SMG5: variants seen among roughly 807,000 people sequenced by gnomAD.
The protein encoded by SMG5 is SMG5 nonsense mediated mRNA decay factor, also known as nonsense-mediated mRNA decay factor SMG5.
SMG5 carries 53 observed loss-of-function variants against 122.9 expected under a neutral mutation model. That is an observed-to-expected ratio of 0.43 (90% confidence interval 0.35 to 0.54). SMG5 has a LOEUF of 0.54. SMG5 is among the 20% of genes least tolerant of loss of function. The pLI, the probability that SMG5 is intolerant of heterozygous loss-of-function variation, is 0.01. For missense variants in SMG5, 1,153 were observed against 1,285.6 expected (o/e 0.90, Z 1.58); for synonymous variants, 477 against 490.2 (o/e 0.97, Z 0.35).
At chr1:156,287,606 C>CTTTTT (rs745468403), upstream of SMG5, among the ~76,000 whole-genome samples, 5 of 72,652 alleles carry the variant, frequency 6.9e-5, no homozygotes, top group Admixed American at 2.1e-4. Flanking sequence ...TTACTCTCCA[C>CTTTTT]TTTTTTTTTT....
At chr1:156,251,689 C>G (rs1351719326) in intron 19 of SMG5, among the ~76,000 whole-genome samples, 1 of 152,156 alleles carries the variant, frequency 6.6e-6, no homozygotes, top group South Asian at 2.1e-4. Flanking sequence ...TATTTGGTTC[C>G]TCTCAGGGGA....
In SMG5 at chr1:156,259,067, C is replaced by T. The variant is rs1350738093; in HGVS notation, c.2380G>A (p.Val794Ile). Residue 794 changes from valine to isoleucine, a missense_variant, in exon 16 of 22, where the codon GTC becomes ATC. Physicochemically the swap from Val to Ile is conservative, Grantham distance 29. Transcript: ENST00000361813. The stretch of plus-strand genomic sequence containing the variant: ...TCCTGCTCAGACTGGGCAATGCTGA[C>T]GAAGATGCCAACCTCTGGGTTGAAC... Reference protein sequence around the residue: ...LQFNPEVGIFVSIAQSEQESL... With the variant: ...LQFNPEVGIFISIAQSEQESL... 20 of 1,612,828 alleles carry T rather than the reference C, an allele frequency of 1.2e-5. No homozygotes were observed. The highest frequency in any genetic ancestry group is 2.2e-5 in the East Asian group (1 of 44,864).
chr1:156,260,314 C>T (rs1359353694), intron 15 of SMG5, 137 bp downstream of exon 15: 1 of 1,066,780 alleles, frequency 9.4e-7, no homozygotes, highest in Non-Finnish European at 1.3e-6. Context: ...GAAGGAAGCA[C>T]AGCCTGTAGC....
chr1:156,287,751 G>A (rs1663210372), upstream of SMG5, among the ~76,000 whole-genome samples: 1 of 151,588 alleles, frequency 6.6e-6, no homozygotes. Flanking sequence ...CGCGTAGCTG[G>A]GATTACAGGC....
Position 156,250,688 on chromosome 1 carries a change from G to C in SMG5, c.2968-18C>G. On this transcript the variant is annotated intron_variant, in intron 21 of 21. Transcript: ENST00000361813. ...AGGGCTGCCTGTGGAATGGGAGAAG[G>C]AAAGATGGAGAGGGTCTGACCTCCT... 1 of 1,612,966 alleles carries C rather than the reference G, an allele frequency of 6.2e-7. No homozygotes were observed. Among genetic ancestry groups the C allele is most frequent in the South Asian group, 1.1e-5 (1 of 91,052 alleles).
At chr1:156,253,309 A>G (rs1661435608) in intron 17 of SMG5, 140 bp downstream of exon 17, 1 of 962,160 alleles carries the variant, frequency 1.0e-6, no homozygotes, top group Non-Finnish European at 1.6e-6. Flanking sequence ...GTGAGTAGTA[A>G]GGAGGGTCAT....
intron 16 of SMG5, among the ~76,000 whole-genome samples, chr1:156,254,508 A>G (rs954879683): frequency 6.6e-6 from 1 of 152,054 alleles, no homozygotes; most frequent in Non-Finnish European, 1.5e-5. Flanking sequence ...CAGTGCCACA[A>G]TTCCTGTTCA....
At chr1:156,251,802 G>A (rs996413927) in intron 19 of SMG5, among the ~76,000 whole-genome samples, 1 of 152,234 alleles carries the variant, frequency 6.6e-6, no homozygotes, top group Non-Finnish European at 1.5e-5. Flanking sequence ...AGCCAGAGCA[G>A]ATGCAGAGGA....
intron 17 of SMG5, among the ~76,000 whole-genome samples, 170 bp downstream of exon 17, chr1:156,253,279 G>A (rs1661434429): frequency 1.3e-5 from 2 of 152,152 alleles, no homozygotes; most frequent in African/African-American, 4.8e-5. Context: ...GCAGAAAGGA[G>A]GCAAATGGCT....
intron 13 of SMG5, 95 bp from the exon 14 acceptor site, chr1:156,261,503 A>AGGGTGTT (rs1661838423): frequency 2.0e-6 from 2 of 980,448 alleles, no homozygotes; most frequent in African/African-American, 3.2e-5. Flanking sequence ...GATCTGGCCT[A>AGGGTGTT]TGTTCAGAGG....
upstream of SMG5, chr1:156,285,905 C>G: frequency 6.2e-7 from 1 of 1,613,556 alleles, no homozygotes. Flanking sequence ...GTTTGATGTC[C>G]CACGGCTGCC....
rs561726517 is a variant in SMG5, at chr1:156,260,704, G to A, written c.2108-78C>T. On this transcript the variant is annotated intron_variant, in intron 14 of 21. Transcript: ENST00000361813. ...AGAGAGACATAACCCTTCCCTTTGGGAATTATCAGGCTGATGAGATGATGA... is the reference window on the plus strand; with the variant it reads ...AGAGAGACATAACCCTTCCCTTTGGAAATTATCAGGCTGATGAGATGATGA... 1.8e-5 allele frequency: 23 copies of A among 1,306,380 alleles called. No individual in the cohort carries two copies. The East Asian group carries it at 5.7e-4, about 32-fold the overall frequency. The allele number at this position is 1,306,380 out of a possible 1,614,324, so 80.9% of individuals were successfully genotyped here. A position where few individuals can be genotyped will look rare whatever the true frequency, so the allele number is the denominator to read the frequency against.
chr1:156,286,283 C>T, upstream of SMG5: 1 of 1,614,248 alleles, frequency 6.2e-7, no homozygotes, highest in Non-Finnish European at 8.5e-7. Flanking sequence ...CGGGCTGAGC[C>T]TGTTATGCTT....
chr1:156,256,926 C>T (rs61814768), intron 16 of SMG5, among the ~76,000 whole-genome samples: 1 of 138,054 alleles, frequency 7.2e-6, no homozygotes, highest in Non-Finnish European at 1.6e-5. Flanking sequence ...CTTTTCTTTT[C>T]CTTTTTTTTT....
intron 1 of SMG5, 34 bp from the exon 2 acceptor site, chr1:156,279,068 C>T: frequency 2.6e-6 from 4 of 1,552,786 alleles, no homozygotes; most frequent in Non-Finnish European, 3.6e-6. Context: ...TCCCCTCAGC[C>T]ATATGCATGG....
At chr1:156,282,827 GCTCCTC>G, upstream of SMG5, 1 of 792,090 alleles carries the variant, frequency 1.3e-6, no homozygotes, top group South Asian at 1.9e-5. Flanking sequence ...GCCCGCGACA[GCTCCTC>G]CTCCGCCTGC....
At chr1:156,260,276 A>C (rs1254171654) in intron 15 of SMG5, among the ~76,000 whole-genome samples, 175 bp downstream of exon 15, 1 of 152,238 alleles carries the variant, frequency 6.6e-6, no homozygotes, top group Non-Finnish European at 1.5e-5. Flanking sequence ...CAAGGCAGGA[A>C]AAAAGCTAAA....
the SMG5 span, chr1:156,290,999 G>A: frequency 4.5e-6 from 1 of 220,680 alleles, no homozygotes; most frequent in African/African-American, 2.3e-5. Context: ...GTACAGCCAG[G>A]TGTGGTGGCC....
Position 156,280,828 on chromosome 1 carries a change from A to G in SMG5, c.74+1779T>C, listed in dbSNP as rs141845307. On this transcript the variant is annotated intron_variant, in intron 1 of 21. Coordinates refer to ENST00000361813, the MANE Select transcript of SMG5 (RefSeq NM_015327.3). ...TCTCTCTTAGAACAAAAACTACAAA[A>G]TCTAGCCGTGTGTTTCATTCACTAT... Among the ~76,000 whole-genome samples the G allele has an allele frequency of 1.9e-3, 293 of 152,286 alleles. 4 individuals carry two copies. The highest frequency in any genetic ancestry group is 6.8e-4 in the Non-Finnish European group (46 of 68,012).
Sources: allele counts gnomAD v4.1 joint callset (sites outside exome capture counted in the v4.1 genomes callset), GRCh38; gene constraint gnomAD v4.1.1; transcripts MANE v1.5; gene names NCBI Gene and HGNC (gene_info 2026-07-23, HGNC 2026-07-21).